CDKAL1: variants seen among roughly 807,000 people sequenced by gnomAD.
CDKAL1 encodes the protein CDKAL1 threonylcarbamoyladenosine tRNA methylthiotransferase.
In CDKAL1, 32 loss-of-function variants were observed where a neutral mutation model predicts 68.2. The ratio of observed to expected loss-of-function variants is 0.47; its 90% CI spans 0.35 to 0.63. The LOEUF (loss-of-function observed/expected upper bound fraction) is 0.63, where lower values mean the gene tolerates loss of function less well. Among genes scored for constraint, CDKAL1 ranks in the 30% least tolerant of loss-of-function variants. CDKAL1 has a pLI of 0.00. For synonymous variants in CDKAL1, 234 were observed against 244.3 expected (o/e 0.96, Z 0.39); for missense variants, 606 against 696.7 (o/e 0.87, Z 1.47).
At chr6:20,758,959 G>C (rs1453936813) in intron 7 of CDKAL1, among the ~76,000 whole-genome samples, 2 of 152,062 alleles carry the variant, frequency 1.3e-5, no homozygotes, top group Non-Finnish European at 2.9e-5. Context: ...GACCAGCCTG[G>C]GCAAGATCCT....
intron 7 of CDKAL1, among the ~76,000 whole-genome samples, chr6:20,771,042 A>G (rs1168517643): frequency 6.6e-6 from 1 of 152,100 alleles, no homozygotes; most frequent in African/African-American, 2.4e-5. Flanking sequence ...CTTCCTCGAG[A>G]CCTTAAGTCC....
chr6:20,897,867 T>G (rs1206994163), intron 9 of CDKAL1, among the ~76,000 whole-genome samples: 1 of 152,130 alleles, frequency 6.6e-6, no homozygotes, highest in Non-Finnish European at 1.5e-5. Context: ...GTACATTTAT[T>G]TCATTATTAA....
chr6:21,173,724 C>G (rs1777477974), intron 13 of CDKAL1, among the ~76,000 whole-genome samples: 1 of 152,080 alleles, frequency 6.6e-6, no homozygotes, highest in Non-Finnish European at 1.5e-5. Flanking sequence ...GGAAAATCAA[C>G]TGAAAAACTA....
chr6:20,964,258 T>C (rs1212482098), intron 10 of CDKAL1, among the ~76,000 whole-genome samples: 2 of 152,230 alleles, frequency 1.3e-5, no homozygotes, highest in African/African-American at 4.8e-5. Flanking sequence ...TGGAGATTTC[T>C]CAAAGACCTG....
At chr6:20,597,121 T>A (rs1561953297) in intron 4 of CDKAL1, among the ~76,000 whole-genome samples, 1 of 152,108 alleles carries the variant, frequency 6.6e-6, no homozygotes, top group Non-Finnish European at 1.5e-5. Context: ...ATTTTTATTT[T>A]TTATTTATTT....
At chr6:21,003,369 T>TATATATATATATAC (rs1767546311) in intron 11 of CDKAL1, among the ~76,000 whole-genome samples, 1 of 46,624 alleles carries the variant, frequency 2.1e-5, no homozygotes, top group Admixed American at 2.6e-4. Flanking sequence ...TATATATATA[T>TATATATATATATAC]ATACACACAC....
intron 8 of CDKAL1, among the ~76,000 whole-genome samples, chr6:20,798,146 A>G (rs978179704): frequency 6.6e-6 from 1 of 152,012 alleles, no homozygotes; most frequent in Non-Finnish European, 1.5e-5. Context: ...GACATTTTCA[A>G]AAAGAAAAAA....
intron 4 of CDKAL1, among the ~76,000 whole-genome samples, chr6:20,629,085 C>T (rs908787716): frequency 1.3e-5 from 2 of 152,100 alleles, no homozygotes; most frequent in African/African-American, 4.8e-5. Context: ...GAAAGGATTC[C>T]CTTTGAAATG....
chr6:20,799,500 T>TG (rs111758644), intron 8 of CDKAL1, among the ~76,000 whole-genome samples: 2 of 152,138 alleles, frequency 1.3e-5, no homozygotes, highest in Non-Finnish European at 1.5e-5. Context: ...AAATAATAAA[T>TG]AAGAATTTTT....
At chr6:20,733,711 T>A (rs775428369) in intron 5 of CDKAL1, among the ~76,000 whole-genome samples, 1 of 152,216 alleles carries the variant, frequency 6.6e-6, no homozygotes, top group African/African-American at 2.4e-5. Context: ...TGGGTGCTCC[T>A]GCCAGCTCCA....
chr6:20,813,565 A>G (rs1023246534), intron 8 of CDKAL1, among the ~76,000 whole-genome samples: 2 of 152,188 alleles, frequency 1.3e-5, no homozygotes, highest in Admixed American at 6.5e-5. Flanking sequence ...CTCCCTAGAA[A>G]TTCTGTAATG....
chr6:21,142,075 G>C (rs888621283), intron 13 of CDKAL1, among the ~76,000 whole-genome samples: 3 of 152,056 alleles, frequency 2.0e-5, no homozygotes, highest in African/African-American at 7.2e-5. Context: ...TTAAATAGCT[G>C]GTCCTCAGTA....
chr6:21,157,406 T>C (rs906559783), intron 13 of CDKAL1, among the ~76,000 whole-genome samples: 2 of 152,182 alleles, frequency 1.3e-5, no homozygotes, highest in Non-Finnish European at 2.9e-5. Context: ...GAGACCAGCC[T>C]GGGCAACATA....
At chr6:21,072,159 A>G (rs1357973607) in intron 12 of CDKAL1, among the ~76,000 whole-genome samples, 1 of 152,138 alleles carries the variant, frequency 6.6e-6, no homozygotes, top group Non-Finnish European at 1.5e-5. Context: ...TTTGTATCTC[A>G]CGCTCATGAG....
intron 13 of CDKAL1, among the ~76,000 whole-genome samples, chr6:21,169,717 G>A (rs557954161): frequency 6.6e-6 from 1 of 152,212 alleles, no homozygotes; most frequent in East Asian, 1.9e-4. Flanking sequence ...ACCCAGGACC[G>A]GGTAATTTAT....
chr6:20,675,426 T>C (rs1770044139), intron 5 of CDKAL1, among the ~76,000 whole-genome samples: 1 of 152,224 alleles, frequency 6.6e-6, no homozygotes, highest in African/African-American at 2.4e-5. Flanking sequence ...TTTGGTAATC[T>C]GTATTTCTGT....
intron 4 of CDKAL1, among the ~76,000 whole-genome samples, chr6:20,617,184 A>T (rs1350588087): frequency 6.6e-6 from 1 of 152,160 alleles, no homozygotes; most frequent in Non-Finnish European, 1.5e-5. Flanking sequence ...TTGTGTCCTC[A>T]TGAAACTTTC....
chr6:20,885,236 A>G (rs978674682), intron 9 of CDKAL1, among the ~76,000 whole-genome samples: 9 of 152,160 alleles, frequency 5.9e-5, no homozygotes, highest in African/African-American at 1.9e-4. Flanking sequence ...AAATGGGACA[A>G]AATTAGAGGA....
chr6:21,139,631 C>T (rs192431997), intron 13 of CDKAL1, among the ~76,000 whole-genome samples: 2 of 152,202 alleles, frequency 1.3e-5, no homozygotes, highest in East Asian at 1.9e-4. Context: ...CCACCTCAAC[C>T]TCCCGAGTAG....
Sources: gnomAD v4.1 joint callset for allele counts (sites outside exome capture counted in the v4.1 genomes callset) on GRCh38, gnomAD v4.1.1 for gene constraint, MANE v1.5 for transcripts, NCBI Gene and HGNC (gene_info 2026-07-23, HGNC 2026-07-21) for gene names.